CACNA1D: variants seen among roughly 807,000 people sequenced by gnomAD.
CACNA1D encodes voltage-dependent L-type calcium channel subunit alpha-1D.
A neutral mutation model predicts 257.1 loss-of-function variants in CACNA1D; 55 were observed. The ratio of observed to expected loss-of-function variants is 0.21; its 90% CI spans 0.17 to 0.27. The LOEUF (loss-of-function observed/expected upper bound fraction) is 0.27, where lower values mean the gene tolerates loss of function less well. Ranked by LOEUF, CACNA1D falls within the 10% of genes least tolerant of loss-of-function variation. CACNA1D has a pLI of 1.00. For missense variants in CACNA1D, 1,876 were observed against 2,784.0 expected, an observed-to-expected ratio of 0.67 and a Z score of 7.34; for synonymous variants, 980 against 1,014.9, an observed-to-expected ratio of 0.97 and a Z score of 0.65.
intron 3 of CACNA1D, among the ~76,000 whole-genome samples, chr3:53,571,623 G>C (rs545663092): frequency 3.1e-4 from 47 of 152,162 alleles, no homozygotes; most frequent in South Asian, 8.4e-4. Context: ...GAAAAGGATG[G>C]GCCACCTCTG....
At chr3:53,713,591 G>A (rs928604776) in intron 9 of CACNA1D, among the ~76,000 whole-genome samples, 10 of 150,574 alleles carry the variant, frequency 6.6e-5, no homozygotes, top group Non-Finnish European at 1.0e-4. Context: ...TGGCTGAGAC[G>A]AATGTCGTCC....
chr3:53,782,220 T>C (rs1470875106), intron 39 of CACNA1D, among the ~76,000 whole-genome samples: 1 of 145,188 alleles, frequency 6.9e-6, no homozygotes, highest in Non-Finnish European at 1.5e-5. Flanking sequence ...AAAAAACATC[T>C]ATATATATAC....
chr3:53,590,309 A>G (rs2093284736), intron 3 of CACNA1D, among the ~76,000 whole-genome samples: 2 of 152,122 alleles, frequency 1.3e-5, no homozygotes, highest in South Asian at 4.1e-4. Context: ...GCTCCACATC[A>G]TCATTTGTTT....
At chr3:53,507,072 C>CAAAAAAAAAA (rs781421977) in intron 3 of CACNA1D, among the ~76,000 whole-genome samples, 7 of 56,674 alleles carry the variant, frequency 1.2e-4, no homozygotes, top group South Asian at 7.9e-4. Context: ...GACTCTATCT[C>CAAAAAAAAAA]AAAAAAAAAA....
At chr3:53,612,229 T>C (rs1465018871) in intron 3 of CACNA1D, among the ~76,000 whole-genome samples, 2 of 152,222 alleles carry the variant, frequency 1.3e-5, no homozygotes, top group Non-Finnish European at 2.9e-5. Flanking sequence ...ATGGGTCCTA[T>C]TTTCCTTTTT....
intron 4 of CACNA1D, among the ~76,000 whole-genome samples, chr3:53,655,731 AG>A (rs2094141605): frequency 6.6e-6 from 1 of 151,692 alleles, no homozygotes; most frequent in South Asian, 2.1e-4. Flanking sequence ...CTCATTCTGT[AG>A]GTTGTCTTTT....
In CACNA1D at chr3:53,810,148, C is replaced by T. The variant is rs761363718; in HGVS notation, c.6042C>T (p.Gly2014=). The T allele has an allele frequency of 3.1e-6, 5 of 1,614,004 alleles. No individual in the cohort carries two copies. Among genetic ancestry groups the T allele is most frequent in the Middle Eastern group, 1.6e-4 (1 of 6,062 alleles). Residue 2014 remains glycine (G), a synonymous_variant, in exon 47 of 48, where the codon GGC becomes GGT. Coordinates refer to ENST00000350061, the MANE Select transcript of CACNA1D (RefSeq NM_001128840.3). ...EQSEALDQVN[G]SLPSLHRSSW... ...CAGAGGCCCTGGACCAGGTGAACGG[C>T]AGCCTGCCGTCCCTGCACCGCAGCT...
rs934603977 is a variant in CACNA1D, at chr3:53,548,981, T to C, written c.483+47261T>C. 7.7e-4 allele frequency among the ~76,000 whole-genome samples: 117 copies of C among 152,248 alleles called. 1 individual carries two copies. The highest frequency in any genetic ancestry group is 2.7e-3 in the African/African-American group (114 of 41,556). ...TTAGATATCATTAGTTAAAAATAAT[T>C]GATGTTGGGGGTGTTGAGCAGTAAC... On this transcript the variant is annotated intron_variant, in intron 3 of 47. Transcript: ENST00000350061.
Position 53,774,171 on chromosome 3 carries a change from C to T in CACNA1D, c.4111-416C>T, listed in dbSNP as rs6797014. 60,044 of 232,014 alleles carry T rather than the reference C, an allele frequency of 0.26. 9,550 individuals are homozygous for T. Among genetic ancestry groups the T allele is most frequent in the Non-Finnish European group, 0.35 (40,001 of 115,568 alleles). The allele number at this position is 232,014 out of a possible 1,614,324, so 14.4% of individuals were successfully genotyped here. A position where few individuals can be genotyped will look rare whatever the true frequency, so the allele number is the denominator to read the frequency against. On this transcript the variant is annotated intron_variant, in intron 33 of 47. Transcript: ENST00000350061. The surrounding 1 kb of genome is among the most constrained non-coding windows in gnomAD (Gnocchi z 4.3). ...CCACCCGAAACACTCTTCGCCTTTC[C>T]TATCACCTGATGTATCTTTCAGTTC...
At chr3:53,508,637 C>A (rs757413457) in intron 3 of CACNA1D, among the ~76,000 whole-genome samples, 1 of 152,158 alleles carries the variant, frequency 6.6e-6, no homozygotes, top group African/African-American at 2.4e-5. Context: ...AAACAGAGAC[C>A]TCTGTAGCAG....
chr3:53,544,466 A>G (rs573901125), intron 3 of CACNA1D, among the ~76,000 whole-genome samples: 2 of 152,126 alleles, frequency 1.3e-5, no homozygotes, highest in East Asian at 3.9e-4. Context: ...AAACCTGCAA[A>G]TCTCAGGGAG....
intron 3 of CACNA1D, among the ~76,000 whole-genome samples, chr3:53,629,318 G>A (rs1289322260): frequency 6.6e-6 from 1 of 152,234 alleles, no homozygotes; most frequent in African/African-American, 2.4e-5. Context: ...TTCTCTGGCT[G>A]ACACTAACCA....
intron 3 of CACNA1D, among the ~76,000 whole-genome samples, chr3:53,578,094 G>T (rs1035627639): frequency 6.6e-6 from 1 of 152,152 alleles, no homozygotes; most frequent in African/African-American, 2.4e-5. Flanking sequence ...ACCATGAGAA[G>T]CCCCTTTCCT....
chr3:53,520,992 C>G (rs548158753), intron 3 of CACNA1D, among the ~76,000 whole-genome samples: 1 of 145,492 alleles, frequency 6.9e-6, no homozygotes, highest in South Asian at 2.2e-4. Flanking sequence ...TTTTCCTTTT[C>G]TTTCTTTCTT....
intron 3 of CACNA1D, among the ~76,000 whole-genome samples, chr3:53,645,549 A>G (rs2094009944): frequency 6.6e-6 from 1 of 152,110 alleles, no homozygotes; most frequent in Admixed American, 6.6e-5. Flanking sequence ...GTCCAGTTTT[A>G]CCGTACCCCT....
At chr3:53,616,683 G>A (rs2093640976) in intron 3 of CACNA1D, among the ~76,000 whole-genome samples, 1 of 152,204 alleles carries the variant, frequency 6.6e-6, no homozygotes, top group African/African-American at 2.4e-5. Context: ...ATATTCTGCT[G>A]TATAATCGGT....
chr3:53,784,920 T>C (rs1041568718), intron 39 of CACNA1D, among the ~76,000 whole-genome samples: 1 of 152,156 alleles, frequency 6.6e-6, no homozygotes, highest in African/African-American at 2.4e-5. Context: ...GAGCACACTG[T>C]CCTGTGGTAA....
At chr3:53,686,640 C>G (rs2094475683) in intron 8 of CACNA1D, among the ~76,000 whole-genome samples, 2 of 151,862 alleles carry the variant, frequency 1.3e-5, no homozygotes, top group Admixed American at 6.6e-5. Flanking sequence ...TCTAATAACT[C>G]TCAGCAAACT....
chr3:53,552,555 A>T (rs545167914), intron 3 of CACNA1D, among the ~76,000 whole-genome samples: 2 of 151,680 alleles, frequency 1.3e-5, no homozygotes, highest in Admixed American at 1.3e-4. Context: ...TAATCTTTGT[A>T]ATTTTAGTAG....
Sources: allele counts gnomAD v4.1 joint callset (sites outside exome capture counted in the v4.1 genomes callset), GRCh38; gene constraint gnomAD v4.1.1; non-coding constraint Gnocchi (gnomAD v3.1); transcripts MANE v1.5; gene names NCBI Gene and HGNC (gene_info 2026-07-23, HGNC 2026-07-21).